DENND1A: variants seen among roughly 807,000 people sequenced by gnomAD.
The protein encoded by DENND1A is DENN domain-containing protein 1A.
Under a neutral mutation model 113.7 loss-of-function variants are expected in DENND1A, and 51 were observed. The ratio of observed to expected loss-of-function variants is 0.45; its 90% CI spans 0.36 to 0.57. The LOEUF is 0.57. DENND1A is among the 20% of genes least tolerant of loss of function. The pLI is 0.00. For missense variants in DENND1A, 1,258 were observed against 1,395.9 expected, an observed-to-expected ratio of 0.90 and a Z score of 1.57; for synonymous variants, 565 against 570.8, an observed-to-expected ratio of 0.99 and a Z score of 0.14.
chr9:123,578,363 T>C (rs997050316), intron 12 of DENND1A, among the ~76,000 whole-genome samples: 2 of 152,224 alleles, frequency 1.3e-5, no homozygotes, highest in African/African-American at 4.8e-5. Flanking sequence ...ACAGCTGTTT[T>C]CATATTTGTC....
At chr9:123,598,097 C>G (rs1305939231) in intron 11 of DENND1A, among the ~76,000 whole-genome samples, 1 of 152,172 alleles carries the variant, frequency 6.6e-6, no homozygotes, top group Non-Finnish European at 1.5e-5. Flanking sequence ...GATCTTCACT[C>G]GGCAGGTGGC....
At chr9:123,604,290 T>C (rs1488542400) in intron 11 of DENND1A, among the ~76,000 whole-genome samples, 5 of 152,224 alleles carry the variant, frequency 3.3e-5, no homozygotes, top group African/African-American at 9.6e-5. Context: ...AGTGTGGGCA[T>C]TCTCTTCCTC....
chr9:123,760,848 A>G (rs1344854682), intron 4 of DENND1A, among the ~76,000 whole-genome samples: 1 of 152,334 alleles, frequency 6.6e-6, no homozygotes, highest in East Asian at 1.9e-4. Context: ...TAAAATATTT[A>G]AAGCAACAGG....
intron 12 of DENND1A, among the ~76,000 whole-genome samples, chr9:123,566,797 G>A (rs960732177): frequency 3.3e-5 from 5 of 152,100 alleles, no homozygotes; most frequent in African/African-American, 1.2e-4. Flanking sequence ...CAGTAGTGAA[G>A]ACTTTTGTGT....
At position 123,433,203 on chromosome 9, in the gene DENND1A, G is replaced by A. The variant is rs185726997; in HGVS notation, c.1488+7157C>T. 5.3e-5 allele frequency among the ~76,000 whole-genome samples: 8 copies of A among 152,274 alleles called. No homozygotes were observed. In the East Asian group the frequency reaches 5.8e-4, roughly 11 times the overall value. On this transcript the variant is annotated intron_variant, in intron 19 of 23. Transcript: ENST00000394215. Reference sequence around the variant, plus strand: ...TGGACCCCTCTAGAGATGTGGAAACGGAATTTCACTGAGGCTAAGTAACTT... The same window carrying A: ...TGGACCCCTCTAGAGATGTGGAAACAGAATTTCACTGAGGCTAAGTAACTT...
At chr9:123,560,439 C>A (rs756741323) in intron 12 of DENND1A, among the ~76,000 whole-genome samples, 3 of 152,252 alleles carry the variant, frequency 2.0e-5, no homozygotes, top group South Asian at 2.1e-4. Flanking sequence ...ACGTGCCCAG[C>A]GCTTTGGGAA....
At chr9:123,693,882 C>A (rs1284906174) in intron 5 of DENND1A, among the ~76,000 whole-genome samples, 2 of 150,806 alleles carry the variant, frequency 1.3e-5, no homozygotes, top group East Asian at 3.9e-4. Context: ...GGCGGGAGTG[C>A]AGTGGCACAA....
chr9:123,508,898 T>G (rs1051943685), intron 13 of DENND1A, among the ~76,000 whole-genome samples: 1 of 152,250 alleles, frequency 6.6e-6, no homozygotes, highest in African/African-American at 2.4e-5. Flanking sequence ...CCCCCGGCTG[T>G]GTCCTCCAAA....
At chr9:123,769,145 T>C (rs914703924) in intron 4 of DENND1A, among the ~76,000 whole-genome samples, 4 of 152,176 alleles carry the variant, frequency 2.6e-5, no homozygotes, top group Non-Finnish European at 5.9e-5. Context: ...GTCTATATAA[T>C]ACAAAACGTT....
At chr9:123,802,170 C>T (rs1834783939) in intron 2 of DENND1A, among the ~76,000 whole-genome samples, 1 of 152,160 alleles carries the variant, frequency 6.6e-6, no homozygotes, top group Non-Finnish European at 1.5e-5. Flanking sequence ...TTCTAAGCTC[C>T]CTTTACATCC....
intron 19 of DENND1A, among the ~76,000 whole-genome samples, chr9:123,437,091 A>T (rs1156514845): frequency 2.0e-5 from 3 of 152,086 alleles, no homozygotes; most frequent in Admixed American, 2.0e-4. Context: ...GGGCCCTGGG[A>T]GTGCTTGGAG....
At chr9:123,607,488 GACACACACACACACAC>G (rs10557656) in intron 11 of DENND1A, among the ~76,000 whole-genome samples, 25 of 70,990 alleles carry the variant, frequency 3.5e-4, no homozygotes, top group Non-Finnish European at 8.4e-5. Context: ...CAGAGAGAGA[GACACACACACACACAC>G]ACACACACAC....
chr9:123,836,040 T>C (rs1841002701), intron 2 of DENND1A, among the ~76,000 whole-genome samples: 1 of 152,188 alleles, frequency 6.6e-6, no homozygotes, highest in Non-Finnish European at 1.5e-5. Flanking sequence ...AGTAGGTGTT[T>C]GGCAGTTACT....
At chr9:123,444,940 C>T (rs997135183) in intron 18 of DENND1A, among the ~76,000 whole-genome samples, 3 of 152,212 alleles carry the variant, frequency 2.0e-5, no homozygotes, top group Admixed American at 6.5e-5. Context: ...TCAGGGGCCA[C>T]CACAGGGTGG....
At position 123,679,872 on chromosome 9, in the gene DENND1A, C is replaced by T. The variant is rs536568802; in HGVS notation, c.303-3083G>A. Among the ~76,000 whole-genome samples, 12 of 152,240 alleles carry T rather than the reference C, an allele frequency of 7.9e-5. No individual in the cohort carries two copies. The South Asian group carries it at 1.7e-3, about 21-fold the overall frequency. On this transcript the variant is annotated intron_variant, in intron 5 of 23. Coordinates refer to ENST00000394215, the MANE Select transcript of DENND1A (RefSeq NM_001352964.2). ...ACACTGCACCACCTTGGACATCTAA[C>T]GGGGTGCGACCATCCGTGGTCCGCC...
intron 12 of DENND1A, 37 bp downstream of exon 12, chr9:123,583,132 C>G (rs2059000329): frequency 2.0e-6 from 3 of 1,469,462 alleles, no homozygotes; most frequent in Non-Finnish European, 2.8e-6. Context: ...TTTGCAGGAG[C>G]TCACAGAAGT....
intron 13 of DENND1A, among the ~76,000 whole-genome samples, chr9:123,500,488 C>T (rs1350925783): frequency 1.3e-5 from 2 of 152,202 alleles, no homozygotes; most frequent in Non-Finnish European, 2.9e-5. Flanking sequence ...TTCCCCCCTT[C>T]ACTGTCTGGT....
chr9:123,431,552 A>C (rs966695110), intron 19 of DENND1A, among the ~76,000 whole-genome samples: 4 of 152,196 alleles, frequency 2.6e-5, no homozygotes, highest in Non-Finnish European at 5.9e-5. Context: ...TAGAATAAAC[A>C]ATGTAGCTTT....
intron 19 of DENND1A, among the ~76,000 whole-genome samples, chr9:123,436,104 G>A (rs1029741513): frequency 6.6e-6 from 1 of 152,252 alleles, no homozygotes; most frequent in Admixed American, 6.5e-5. Flanking sequence ...CTGTGGGAAG[G>A]AGGAGCTTCC....
Sources: allele counts gnomAD v4.1 joint callset (sites outside exome capture counted in the v4.1 genomes callset), GRCh38; gene constraint gnomAD v4.1.1; transcripts MANE v1.5; gene names NCBI Gene and HGNC (gene_info 2026-07-23, HGNC 2026-07-21).